Variants in MME observed in about 807,000 individuals in gnomAD.
MME encodes neprilysin.
MME carries 98 observed loss-of-function variants against 113.2 expected under a neutral mutation model. That is an observed-to-expected ratio of 0.87 (90% CI 0.74 to 1.02). The LOEUF (loss-of-function observed/expected upper bound fraction) is 1.02, where lower values mean the gene tolerates loss of function less well. MME is among the 50% of genes least tolerant of loss of function. MME has a pLI of 0.00. For missense variants in MME, 836 were observed against 896.0 expected, an observed-to-expected ratio of 0.93 and a Z score of 0.86; for synonymous variants, 292 against 300.6, an observed-to-expected ratio of 0.97 and a Z score of 0.30.
chr3:155,109,231 A>G (rs1266849150), intron 3 of MME, among the ~76,000 whole-genome samples: 1 of 152,030 alleles, frequency 6.6e-6, no homozygotes, highest in Non-Finnish European at 1.5e-5. Flanking sequence ...AATTCAAGAG[A>G]CCTGTTTACC....
At position 155,169,943 on chromosome 3, in the gene MME, A is replaced by C. The variant is rs565038422; in HGVS notation, c.1980+1146A>C. Among the ~76,000 whole-genome samples the C allele has an allele frequency of 2.0e-5, 3 of 152,314 alleles. No homozygotes were observed. In the South Asian group the frequency reaches 6.2e-4, roughly 32 times the overall value. Reference sequence around the variant, plus strand: ...TGAAGCTTGGGAGATTAAGTCAGCTACAAGGTTTCCAAAAGAATGAGTCCA... The same window carrying C: ...TGAAGCTTGGGAGATTAAGTCAGCTCCAAGGTTTCCAAAAGAATGAGTCCA... On this transcript the variant is annotated intron_variant, in intron 20 of 22. Coordinates refer to ENST00000360490, the MANE Select transcript of MME (RefSeq NM_007289.4).
At chr3:155,115,515 G>A (rs1483605316) in intron 4 of MME, among the ~76,000 whole-genome samples, 6 of 152,114 alleles carry the variant, frequency 3.9e-5, no homozygotes, top group Admixed American at 3.9e-4. Flanking sequence ...TGCAACTTCT[G>A]CCTCCCAGAT....
Position 155,180,396 on chromosome 3 carries a change from A to G in MME, c.2190A>G (p.Ser730=). The change falls in exon 23 of 23, where the codon TCA becomes TCG. Residue 730 remains serine, a synonymous_variant. Coordinates refer to ENST00000360490, the MANE Select transcript of MME (RefSeq NM_007289.4). ...IGTLQNSAEF[S]EAFHCRKNSY... ...CTTTGCAGAACTCTGCAGAGTTTTC[A>G]GAAGCCTTTCACTGCCGCAAGAATT... 6.2e-7 allele frequency: 1 copy of G among 1,613,712 alleles called. No homozygotes were observed. Among genetic ancestry groups the G allele is most frequent in the Non-Finnish European group, 8.5e-7 (1 of 1,179,656 alleles).
chr3:155,047,616 T>A (rs998814678), intron 1 of MME, among the ~76,000 whole-genome samples: 19 of 152,226 alleles, frequency 1.2e-4, no homozygotes, highest in Admixed American at 6.5e-5. Flanking sequence ...CATGTTGCCT[T>A]AGTTATATTA....
At chr3:155,119,487 T>C (rs1288445191) in intron 8 of MME, among the ~76,000 whole-genome samples, 3 of 143,228 alleles carry the variant, frequency 2.1e-5, no homozygotes, top group African/African-American at 7.8e-5. Context: ...TACATATGTA[T>C]ACATGTGCCA....
intron 20 of MME, 104 bp downstream of exon 20, chr3:155,168,901 T>A: frequency 1.1e-6 from 1 of 948,668 alleles, no homozygotes; most frequent in Non-Finnish European, 1.6e-6. Context: ...ATATAAGCAG[T>A]AAATGATGAA....
intron 1 of MME, among the ~76,000 whole-genome samples, chr3:155,055,929 C>T (rs896297489): frequency 3.3e-5 from 5 of 151,994 alleles, no homozygotes; most frequent in African/African-American, 9.7e-5. Context: ...TTAATTTACT[C>T]CTTCAGGTTA....
Position 155,168,607 on chromosome 3 carries a change from C to T in MME, c.1896C>T (p.Asp632=). 1.9e-6 allele frequency: 3 copies of T among 1,613,780 alleles called. No individual in the cohort carries two copies. The highest frequency in any genetic ancestry group is 2.2e-5 in the South Asian group (2 of 91,078). ...ATCAGTATGGAAACTTTTCCTGGGA[C>T]CTGGCAGGTGGACAGCACGTATGTC... ...MVYQYGNFSW[D]LAGGQHLNGI... is the part of the protein sequence containing the mutation. The change falls in exon 19 of 23, where the codon GAC becomes GAT. Residue 632 remains aspartate (D), a synonymous_variant. Transcript: ENST00000360490.
intron 14 of MME, 33 bp downstream of exon 14, chr3:155,144,490 A>ATTTT (rs780712111): frequency 1.3e-5 from 18 of 1,371,256 alleles, no homozygotes; most frequent in Non-Finnish European, 1.9e-5. Flanking sequence ...GCAAAGAAAA[A>ATTTT]TCTTTGCTAG....
At chr3:155,053,248 C>A (rs954337822) in intron 1 of MME, among the ~76,000 whole-genome samples, 4 of 152,170 alleles carry the variant, frequency 2.6e-5, no homozygotes, top group Non-Finnish European at 5.9e-5. Context: ...ACAGCAGCAC[C>A]CATTCTCTGT....
chr3:155,117,553 T>C (rs1468691595), intron 7 of MME, among the ~76,000 whole-genome samples: 1 of 151,916 alleles, frequency 6.6e-6, no homozygotes, highest in Non-Finnish European at 1.5e-5. Context: ...ATGTTTGGAA[T>C]GTACTGAAAA....
intron 14 of MME, among the ~76,000 whole-genome samples, chr3:155,146,923 A>G (rs1162382480): frequency 6.6e-6 from 1 of 152,214 alleles, no homozygotes; most frequent in Non-Finnish European, 1.5e-5. Flanking sequence ...GCTGCAGCCT[A>G]TAAGGATAAG....
At chr3:155,044,692 T>G (rs926103013) in intron 1 of MME, among the ~76,000 whole-genome samples, 3 of 152,116 alleles carry the variant, frequency 2.0e-5, no homozygotes, top group African/African-American at 7.2e-5. Context: ...CATTAAGCAG[T>G]TTCATTATGC....
chr3:155,142,210 T>C, intron 11 of MME, 27 bp from the exon 12 acceptor site: 1 of 1,612,790 alleles, frequency 6.2e-7, no homozygotes, highest in Non-Finnish European at 8.5e-7. Context: ...TCTTTTCTGT[T>C]GCTGGGCGGT....
At chr3:155,057,145 C>A (rs1279149432) in intron 1 of MME, among the ~76,000 whole-genome samples, 1 of 152,128 alleles carries the variant, frequency 6.6e-6, no homozygotes, top group Non-Finnish European at 1.5e-5. Context: ...AAACTACCAT[C>A]AGAGTGAACA....
intron 1 of MME, among the ~76,000 whole-genome samples, chr3:155,071,423 A>G (rs2108144544): frequency 6.6e-6 from 1 of 152,352 alleles, no homozygotes; most frequent in South Asian, 2.1e-4. Flanking sequence ...TAGTCAATTG[A>G]AAAACTGCTT....
At chr3:155,137,980 G>C (rs748810986) in intron 8 of MME, 122 bp from the exon 9 acceptor site, 15 of 1,095,760 alleles carry the variant, frequency 1.4e-5, no homozygotes, top group Non-Finnish European at 2.1e-5. Context: ...CTTAGAAAAG[G>C]ATTTTTATTT....
chr3:155,173,566 A>G (rs1712209172), intron 22 of MME, among the ~76,000 whole-genome samples: 1 of 147,918 alleles, frequency 6.8e-6, no homozygotes, highest in Non-Finnish European at 1.5e-5. Context: ...TGCTAGTATC[A>G]TCGTTGTCAT....
intron 3 of MME, among the ~76,000 whole-genome samples, chr3:155,088,474 G>A (rs1449876233): frequency 3.3e-5 from 5 of 151,902 alleles, no homozygotes; most frequent in Admixed American, 6.6e-5. Context: ...ACCTGAGGTC[G>A]AGAGTTCAAG....
Sources: gnomAD v4.1 joint callset for allele counts (sites outside exome capture counted in the v4.1 genomes callset) on GRCh38, gnomAD v4.1.1 for gene constraint, MANE v1.5 for transcripts, NCBI Gene and HGNC (gene_info 2026-07-23, HGNC 2026-07-21) for gene names.